Variants in CHST9 observed in about 807,000 individuals in gnomAD.
CHST9 encodes GalNAc-4-sulfotransferase 2.
CHST9 carries 41 observed loss-of-function variants against 44.4 expected under a neutral mutation model. The observed-to-expected ratio is 0.92, with a 90% CI of 0.72 to 1.20. The LOEUF (loss-of-function observed/expected upper bound fraction) is 1.20, where lower values mean the gene tolerates loss of function less well. Among genes scored for constraint, CHST9 ranks in the 50% most tolerant of loss-of-function variants. The pLI is 0.00. For synonymous variants in CHST9, 171 were observed against 178.4 expected, an observed-to-expected ratio of 0.96 and a Z score of 0.33; for missense variants, 504 against 516.5, an observed-to-expected ratio of 0.98 and a Z score of 0.23.
At chr18:27,000,674 TTCTA>T (rs1171950283) in intron 4 of CHST9, among the ~76,000 whole-genome samples, 1 of 134,542 alleles carries the variant, frequency 7.4e-6, no homozygotes, top group Non-Finnish European at 1.5e-5. Flanking sequence ...CTATCTATTA[TTCTA>T]TCTATCCAAC....
At chr18:26,990,120 A>T (rs2056799176) in intron 4 of CHST9, among the ~76,000 whole-genome samples, 4 of 152,218 alleles carry the variant, frequency 2.6e-5, no homozygotes, top group Admixed American at 2.6e-4. Flanking sequence ...CATGATAACT[A>T]TGTAGAGTTA....
chr18:27,154,569 G>C (rs1269277187), intron 1 of CHST9, among the ~76,000 whole-genome samples: 1 of 152,118 alleles, frequency 6.6e-6, no homozygotes, highest in Non-Finnish European at 1.5e-5. Flanking sequence ...AGGCATTCAA[G>C]TCAACAGATT....
chr18:26,920,992 CT>C lies in CHST9; in HGVS notation c.241-3643del, dbSNP rs576203033. 2.7e-3 allele frequency among the ~76,000 whole-genome samples: 407 copies of C among 152,252 alleles called. 1 individual carries two copies. The highest frequency in any genetic ancestry group is 9.4e-3 in the African/African-American group (391 of 41,548). ...ATCAGAATGTCTGAGTGTAAGGCCC[CT>C]GACTTTAATTTCAACAAGATCCCCA... On this transcript the variant is annotated intron_variant, in intron 5 of 5. Coordinates refer to ENST00000618847, the MANE Select transcript of CHST9 (RefSeq NM_031422.6).
At position 26,915,049 on chromosome 18, in the gene CHST9, G is replaced by C. The variant is rs528289832; in HGVS notation, c.*1210C>G. ...CAAAATGCATTACAACTATTCATAAGGGTGACACATGGACCTATTTTTCTA... is the reference window on the plus strand; with the variant it reads ...CAAAATGCATTACAACTATTCATAACGGTGACACATGGACCTATTTTTCTA... On this transcript the variant is annotated 3_prime_UTR_variant, in exon 6 of 6. Coordinates refer to ENST00000618847, the MANE Select transcript of CHST9 (RefSeq NM_031422.6). 3 of 397,548 alleles carry C rather than the reference G, an allele frequency of 7.5e-6. No individual in the cohort carries two copies. The East Asian group carries it at 1.1e-4, about 14-fold the overall frequency. 24.6% of individuals were successfully genotyped at this position (397,548 alleles called of 1,614,324 possible).
intron 2 of CHST9, among the ~76,000 whole-genome samples, chr18:27,065,532 G>A (rs1460808875): frequency 6.6e-5 from 10 of 151,118 alleles, no homozygotes; most frequent in African/African-American, 2.2e-4. Context: ...GGGAGAGAGT[G>A]GAGAAAAGGA....
intron 2 of CHST9, among the ~76,000 whole-genome samples, chr18:27,098,356 G>A (rs2058138100): frequency 1.3e-5 from 2 of 151,724 alleles, no homozygotes; most frequent in Admixed American, 6.6e-5. Context: ...TTACACTGTT[G>A]GTGTAAATTA....
chr18:27,110,099 A>G (rs1416727298), intron 2 of CHST9, among the ~76,000 whole-genome samples: 2 of 152,030 alleles, frequency 1.3e-5, no homozygotes, highest in Non-Finnish European at 2.9e-5. Flanking sequence ...AAAAGTGTAA[A>G]GATTCAATGT....
intron 2 of CHST9, among the ~76,000 whole-genome samples, chr18:27,093,710 G>A (rs747060503): frequency 3.3e-5 from 5 of 152,188 alleles, no homozygotes; most frequent in Admixed American, 2.0e-4. Flanking sequence ...CAGGTGATGC[G>A]ACGCCTTGCC....
chr18:27,157,250 G>C (rs1230708308), intron 1 of CHST9, among the ~76,000 whole-genome samples: 3 of 136,582 alleles, frequency 2.2e-5, no homozygotes, highest in Non-Finnish European at 5.0e-5. Flanking sequence ...TTATTGTAGT[G>C]TGTCTTTTAT....
At chr18:27,167,175 G>A (rs1457873120) in intron 1 of CHST9, among the ~76,000 whole-genome samples, 5 of 152,310 alleles carry the variant, frequency 3.3e-5, no homozygotes, top group Admixed American at 6.5e-5. Context: ...TTTTGCACCT[G>A]CTGCTTTTCA....
chr18:27,145,583 C>G (rs753739646), intron 1 of CHST9, among the ~76,000 whole-genome samples: 3 of 152,206 alleles, frequency 2.0e-5, no homozygotes, highest in Non-Finnish European at 4.4e-5. Context: ...AAATCCAGTT[C>G]TCTGAGTTCT....
At chr18:27,123,716 C>A (rs1035015376) in intron 2 of CHST9, among the ~76,000 whole-genome samples, 1 of 152,184 alleles carries the variant, frequency 6.6e-6, no homozygotes, top group Non-Finnish European at 1.5e-5. Flanking sequence ...GAGAGTATTT[C>A]TTATGTGCTG....
chr18:26,939,136 T>C (rs918788799), intron 5 of CHST9, among the ~76,000 whole-genome samples: 6 of 152,186 alleles, frequency 3.9e-5, no homozygotes, highest in African/African-American at 1.4e-4. Context: ...TATAAATGAT[T>C]AGAATATAGG....
chr18:26,908,448 T>C lies in CHST9; in HGVS notation c.*7811A>G, dbSNP rs1011179967. The stretch of plus-strand genomic sequence containing the variant: ...AAAAAATAGGTAAGATGGGGAGGGA[T>C]AGGAAAATATTCATTAAAAGGATAC... On this transcript the variant is annotated 3_prime_UTR_variant, in exon 6 of 6. Coordinates refer to ENST00000618847, the MANE Select transcript of CHST9 (RefSeq NM_031422.6). The C allele has an allele frequency of 2.5e-4, 38 of 150,540 alleles. No individual in the cohort carries two copies. Among genetic ancestry groups the C allele is most frequent in the African/African-American group, 8.0e-4 (33 of 41,154 alleles). 9.3% of individuals were successfully genotyped at this position (150,540 alleles called of 1,614,324 possible). A position where few individuals can be genotyped will look rare whatever the true frequency, so the allele number is the denominator to read the frequency against.
At chr18:26,953,797 T>C (rs562414064) in intron 4 of CHST9, among the ~76,000 whole-genome samples, 24 of 152,178 alleles carry the variant, frequency 1.6e-4, no homozygotes, top group Non-Finnish European at 2.8e-4. Context: ...AGCCTGCTCC[T>C]TTCTCCCAAA....
intron 4 of CHST9, among the ~76,000 whole-genome samples, chr18:26,987,023 A>G (rs2056761713): frequency 6.6e-6 from 1 of 152,184 alleles, no homozygotes; most frequent in Non-Finnish European, 1.5e-5. Flanking sequence ...TGGTTTGGAT[A>G]TGATTTGCTT....
chr18:27,055,708 G>A (rs563252202), intron 2 of CHST9, among the ~76,000 whole-genome samples: 1 of 152,100 alleles, frequency 6.6e-6, no homozygotes, highest in Non-Finnish European at 1.5e-5. Flanking sequence ...CTGCTTATTG[G>A]TTGTCATGAG....
intron 2 of CHST9, among the ~76,000 whole-genome samples, chr18:27,073,408 G>GA (rs2057863520): frequency 7.9e-6 from 1 of 126,962 alleles, no homozygotes; most frequent in Admixed American, 8.5e-5. Context: ...TGGGGGTGGG[G>GA]GGTGGGGGTG....
intron 4 of CHST9, among the ~76,000 whole-genome samples, chr18:27,015,615 T>C (rs1446596281): frequency 6.6e-6 from 1 of 152,074 alleles, no homozygotes; most frequent in Non-Finnish European, 1.5e-5. Flanking sequence ...CAGGAAATAA[T>C]GGCTTGAAAA....
Sources: gnomAD v4.1 joint callset for allele counts (sites outside exome capture counted in the v4.1 genomes callset) on GRCh38, gnomAD v4.1.1 for gene constraint, MANE v1.5 for transcripts, NCBI Gene and HGNC (gene_info 2026-07-23, HGNC 2026-07-21) for gene names.